Variants in OCIAD1 observed in about 807,000 individuals in gnomAD.
OCIAD1 encodes the protein OCIA domain-containing protein 1.
A neutral mutation model predicts 38.9 loss-of-function variants in OCIAD1; 29 were observed. The observed-to-expected ratio is 0.74, with a 90% CI of 0.55 to 1.02. The LOEUF (loss-of-function observed/expected upper bound fraction) is 1.02, where lower values mean the gene tolerates loss of function less well. Among genes scored for constraint, OCIAD1 ranks in the 50% least tolerant of loss-of-function variants. OCIAD1 has a pLI of 0.00. For missense variants in OCIAD1, 288 were observed against 289.6 expected (o/e 0.99, Z 0.04); for synonymous variants, 110 against 92.0 (o/e 1.20, Z -1.12).
chr4:48,827,494 T>C (rs532545497), upstream of OCIAD1, among the ~76,000 whole-genome samples: 7 of 152,346 alleles, frequency 4.6e-5, no homozygotes, highest in South Asian at 1.4e-3. Context: ...CTCTAGCAAA[T>C]GTGTATCGAC....
intron 1 of OCIAD1, among the ~76,000 whole-genome samples, chr4:48,824,850 C>T (rs553300679): frequency 6.6e-6 from 1 of 152,204 alleles, no homozygotes; most frequent in Admixed American, 6.5e-5. Flanking sequence ...GTCCTCCCAC[C>T]TCAGCCTCCC....
rs776700334 is a variant in OCIAD1, at chr4:48,857,217, T to C, written c.552T>C (p.Pro184=). ...TGITDHIVQG[P]DPNLEESPKR... ...ATTAACTGTTTGTTGTTTTAGGACC[T>C]GATCCCAACCTTGAAGAAAGTCCTA... Residue 184 remains proline, a synonymous_variant, in exon 8 of 9, where the codon CCT becomes CCC. Coordinates refer to ENST00000264312, the MANE Select transcript of OCIAD1 (RefSeq NM_017830.4). 12 of 1,530,784 alleles carry C rather than the reference T, an allele frequency of 7.8e-6. No homozygotes were observed. The highest frequency in any genetic ancestry group is 1.3e-5 in the South Asian group (1 of 76,418). 94.8% of individuals were successfully genotyped at this position (1,530,784 alleles called of 1,614,324 possible).
intron 1 of OCIAD1, chr4:48,831,558 G>A (rs1442918787): frequency 7.7e-7 from 1 of 1,290,518 alleles, no homozygotes; most frequent in Non-Finnish European, 1.0e-6. Context: ...GGCCGCTTAG[G>A]CTTTAATCCA....
intron 1 of OCIAD1, among the ~76,000 whole-genome samples, chr4:48,819,590 A>G (rs1664591217): frequency 6.6e-6 from 1 of 152,064 alleles, no homozygotes; most frequent in Non-Finnish European, 1.5e-5. Context: ...CCCAATTAAA[A>G]GACACAGACT....
chr4:48,853,220 C>T (rs1275302730), intron 7 of OCIAD1, among the ~76,000 whole-genome samples: 1 of 151,958 alleles, frequency 6.6e-6, no homozygotes, highest in Non-Finnish European at 1.5e-5. Context: ...TAAAATCTGA[C>T]CTGAATTCAT....
intron 6 of OCIAD1, among the ~76,000 whole-genome samples, chr4:48,850,638 A>T (rs1282471822): frequency 6.6e-6 from 1 of 152,106 alleles, no homozygotes; most frequent in Non-Finnish European, 1.5e-5. Flanking sequence ...CAGTGGCGTG[A>T]TCTCGGCTCA....
intron 1 of OCIAD1, among the ~76,000 whole-genome samples, chr4:48,806,224 G>A (rs1053311861): frequency 6.6e-6 from 1 of 152,058 alleles, no homozygotes; most frequent in Non-Finnish European, 1.5e-5. Flanking sequence ...CCGAGATCAC[G>A]CCCCTGTGCT....
At chr4:48,858,667 C>T (rs1780318770) in intron 8 of OCIAD1, among the ~76,000 whole-genome samples, 1 of 152,114 alleles carries the variant, frequency 6.6e-6, no homozygotes, top group Non-Finnish European at 1.5e-5. Context: ...GTTGCCAAGG[C>T]TGGTCTCAAA....
At chr4:48,841,725 C>T (rs372564444) in intron 3 of OCIAD1, among the ~76,000 whole-genome samples, 6 of 152,240 alleles carry the variant, frequency 3.9e-5, no homozygotes, top group Admixed American at 6.5e-5. Flanking sequence ...ACTCAAAGAC[C>T]AACTTCCATT....
At chr4:48,857,796 A>G (rs546950376) in intron 8 of OCIAD1, among the ~76,000 whole-genome samples, 1 of 152,224 alleles carries the variant, frequency 6.6e-6, no homozygotes, top group East Asian at 1.9e-4. Flanking sequence ...TACAGGCTTG[A>G]GCCACCGTGT....
intron 1 of OCIAD1, among the ~76,000 whole-genome samples, chr4:48,806,299 T>C (rs1373331266): frequency 6.6e-6 from 1 of 152,150 alleles, no homozygotes; most frequent in Non-Finnish European, 1.5e-5. Context: ...TGGAAAAACA[T>C]TTTAAAGAAA....
chr4:48,819,744 A>AAAAAAG (rs1560408325), intron 1 of OCIAD1, among the ~76,000 whole-genome samples: 3 of 95,408 alleles, frequency 3.1e-5, no homozygotes, highest in African/African-American at 8.6e-5. Context: ...AAAAAAAAAA[A>AAAAAAG]GGAGGGGTTG....
chr4:48,829,381 C>T (rs762376369), upstream of OCIAD1, among the ~76,000 whole-genome samples: 9 of 151,086 alleles, frequency 6.0e-5, no homozygotes, highest in Non-Finnish European at 8.8e-5. Context: ...TGTTTTTTCT[C>T]CTATAAAAAT....
At chr4:48,805,298 T>A (rs1209754172) in exon 1 of OCIAD1, 3 of 152,220 alleles carry the variant, frequency 2.0e-5, no homozygotes, top group African/African-American at 7.2e-5. Context: ...TTCAGATGAC[T>A]GTAACCCCAG....
Position 48,807,155 on chromosome 4 carries a change from C to CCTCAA in OCIAD1, c.-103+1827_-103+1831dup, listed in dbSNP as rs568848390. ...CTTGTAGCCTCAAGTGATCCTCCTG[C>CCTCAA]CTCAACCTCCTGAGTAGCTGGGACT... On this transcript the variant is annotated intron_variant, in intron 1 of 6. Coordinates refer to the OCIAD1 transcript ENST00000504654. Among the ~76,000 whole-genome samples the CCTCAA allele has an allele frequency of 3.2e-3, 483 of 152,184 alleles. 5 individuals carry two copies. Among genetic ancestry groups the CCTCAA allele is most frequent in the African/African-American group, 0.011 (473 of 41,496 alleles).
At chr4:48,806,914 T>C (rs1026114687) in intron 1 of OCIAD1, among the ~76,000 whole-genome samples, 11 of 152,080 alleles carry the variant, frequency 7.2e-5, no homozygotes, top group African/African-American at 2.7e-4. Flanking sequence ...TTCTTTTCTT[T>C]CTTTTTTGAG....
At position 48,851,955 on chromosome 4, in the gene OCIAD1, T is replaced by C. The variant is rs1779520680; in HGVS notation, c.527T>C (p.Ile176Thr). The change falls in exon 7 of 9, where the codon ATT becomes ACT. Residue 176 changes from isoleucine to threonine, a missense_variant. Transcript: ENST00000264312. ...SSMNESAPTG[I>T]TDHIVQGPDP... Reference sequence around the variant, plus strand: ...ATGAATGAATCTGCTCCCACTGGTATTACTGATCATATTGTCCAAGGTAGA... The same window carrying C: ...ATGAATGAATCTGCTCCCACTGGTACTACTGATCATATTGTCCAAGGTAGA... 2 of 1,607,846 alleles carry C rather than the reference T, an allele frequency of 1.2e-6. No homozygotes were observed. The highest frequency in any genetic ancestry group is 2.2e-5 in the South Asian group (2 of 90,320).
chr4:48,845,950 T>C (rs1350055042), intron 4 of OCIAD1, among the ~76,000 whole-genome samples: 1 of 152,216 alleles, frequency 6.6e-6, no homozygotes, highest in African/African-American at 2.4e-5. Flanking sequence ...TACTTCTCCT[T>C]AGGAAAATAA....
rs183639905 is a variant in OCIAD1, at chr4:48,814,289, A to T, written c.-103+8959A>T. Reference sequence around the variant, plus strand: ...CCTCTGCCTGAAAATGAAACTGTCCAAGAAAGAAAAGCAGAGTATGGCTAT... The same window carrying T: ...CCTCTGCCTGAAAATGAAACTGTCCTAGAAAGAAAAGCAGAGTATGGCTAT... On this transcript the variant is annotated intron_variant, in intron 1 of 6. Transcript: ENST00000504654. Among the ~76,000 whole-genome samples the T allele has an allele frequency of 6.6e-5, 10 of 151,284 alleles. No homozygotes were observed. In the East Asian group the frequency reaches 1.9e-3, roughly 29 times the overall value.
Sources: gnomAD v4.1 joint callset for allele counts (sites outside exome capture counted in the v4.1 genomes callset) on GRCh38, gnomAD v4.1.1 for gene constraint, MANE v1.5 for transcripts, NCBI Gene and HGNC (gene_info 2026-07-23, HGNC 2026-07-21) for gene names.